Variants in STARD13 observed in about 807,000 individuals in gnomAD.
STARD13 encodes stAR-related lipid transfer protein 13.
STARD13 carries 62 observed loss-of-function variants against 106.4 expected under a neutral mutation model. The ratio of observed to expected loss-of-function variants is 0.58; its 90% CI spans 0.48 to 0.72. The LOEUF is 0.72. STARD13 is among the 30% of genes least tolerant of loss of function. The probability of loss-of-function intolerance (pLI) is 0.00; values close to 1 mark genes in which losing one functional copy is unlikely to be tolerated. For synonymous variants in STARD13, 565 were observed against 553.0 expected (o/e 1.02, Z -0.31); for missense variants, 1,387 against 1,424.0 (o/e 0.97, Z 0.42).
the STARD13 span, among the ~76,000 whole-genome samples, chr13:33,648,391 G>C: frequency 3.9e-5 from 6 of 152,196 alleles, no homozygotes; most frequent in East Asian, 5.8e-4. Context: ...GGTTTCAGCC[G>C]ATCTGGGGTC....
At chr13:33,634,772 C>T in the STARD13 span, among the ~76,000 whole-genome samples, 1 of 152,130 alleles carries the variant, frequency 6.6e-6, no homozygotes, top group Admixed American at 6.6e-5. Context: ...GGTTGAATTA[C>T]CCCACTGACA....
At chr13:33,514,154 A>G in the STARD13 span, among the ~76,000 whole-genome samples, 3 of 152,196 alleles carry the variant, frequency 2.0e-5, no homozygotes, top group Non-Finnish European at 2.9e-5. Context: ...TTAAATAAAC[A>G]GTTGGGAAAA....
the STARD13 span, among the ~76,000 whole-genome samples, chr13:33,550,287 T>C: frequency 6.6e-6 from 1 of 152,218 alleles, no homozygotes; most frequent in Non-Finnish European, 1.5e-5. Flanking sequence ...AATAATTTAC[T>C]GGAAAGAAAT....
chr13:33,479,177 A>T, the STARD13 span, among the ~76,000 whole-genome samples: 1 of 152,258 alleles, frequency 6.6e-6, no homozygotes, highest in Non-Finnish European at 1.5e-5. Context: ...TTAAAACTAC[A>T]CAGAGATTCC....
the STARD13 span, among the ~76,000 whole-genome samples, chr13:33,546,024 A>G: frequency 6.6e-6 from 1 of 152,336 alleles, no homozygotes; most frequent in East Asian, 1.9e-4. Flanking sequence ...TATGACATTT[A>G]TTTATTATGG....
At chr13:33,200,621 G>A (rs974018092) in intron 1 of STARD13, among the ~76,000 whole-genome samples, 3 of 152,220 alleles carry the variant, frequency 2.0e-5, no homozygotes, top group African/African-American at 7.2e-5. Context: ...CACTTTGGAA[G>A]TTGGCACTCC....
chr13:33,112,398 A>C (rs1874710772), intron 9 of STARD13, among the ~76,000 whole-genome samples: 1 of 152,156 alleles, frequency 6.6e-6, no homozygotes, highest in East Asian at 1.9e-4. Context: ...CTGAAGTTGA[A>C]ATGTAGCATG....
At chr13:33,167,257 G>C (rs548380095) in intron 2 of STARD13, among the ~76,000 whole-genome samples, 1 of 152,322 alleles carries the variant, frequency 6.6e-6, no homozygotes, top group South Asian at 2.1e-4. Flanking sequence ...AGAAGGAAGT[G>C]CAGAAAAGCT....
chr13:33,443,888 CAA>C, the STARD13 span, among the ~76,000 whole-genome samples: 27 of 50,216 alleles, frequency 5.4e-4, no homozygotes, highest in Middle Eastern at 0.012. Context: ...GACTCAGTCT[CAA>C]AAAAAAAAAA....
At chr13:33,299,430 C>T (rs1331461961) in intron 1 of STARD13, among the ~76,000 whole-genome samples, 1 of 152,210 alleles carries the variant, frequency 6.6e-6, no homozygotes, top group Non-Finnish European at 1.5e-5. Context: ...CTCAGAAGTG[C>T]TATTTCCACT....
chr13:33,278,794 T>C (rs2138388900), intron 1 of STARD13: 2 of 152,326 alleles, frequency 1.3e-5, no homozygotes, highest in African/African-American at 4.8e-5. Flanking sequence ...CCTTACATTT[T>C]ATATTTCCAT....
the STARD13 span, among the ~76,000 whole-genome samples, chr13:33,556,227 T>A: frequency 2.0e-5 from 3 of 152,274 alleles, no homozygotes; most frequent in African/African-American, 7.2e-5. Flanking sequence ...GAAGAATGTT[T>A]TCAATGCTTA....
the STARD13 span, among the ~76,000 whole-genome samples, chr13:33,520,485 A>G: frequency 1.9e-3 from 293 of 152,246 alleles, no homozygotes; most frequent in African/African-American, 6.6e-3. Flanking sequence ...TCATAAACAC[A>G]GTATAAAGTA....
upstream of STARD13, among the ~76,000 whole-genome samples, chr13:33,286,473 A>T (rs1377865544): frequency 6.6e-6 from 1 of 152,200 alleles, no homozygotes; most frequent in Non-Finnish European, 1.5e-5. Flanking sequence ...TGCCTATCAC[A>T]TTTAAGACAC....
the STARD13 span, among the ~76,000 whole-genome samples, chr13:33,570,758 C>T: frequency 2.0e-5 from 3 of 152,128 alleles, no homozygotes; most frequent in South Asian, 6.2e-4. Flanking sequence ...ATCACTGTCT[C>T]ACTCTTTTCC....
At chr13:33,482,778 C>A in the STARD13 span, among the ~76,000 whole-genome samples, 1 of 152,038 alleles carries the variant, frequency 6.6e-6, no homozygotes, top group Non-Finnish European at 1.5e-5. Flanking sequence ...TACACTAGGC[C>A]AATATATAAA....
intron 1 of STARD13, chr13:33,186,064 C>T (rs755217966): frequency 5.0e-6 from 8 of 1,608,752 alleles, no homozygotes; most frequent in African/African-American, 1.3e-5. Context: ...GATGATAGTC[C>T]TCTCTCATGT....
the STARD13 span, among the ~76,000 whole-genome samples, chr13:33,370,393 G>A: frequency 0.03 from 4,587 of 152,164 alleles, 229 homozygotes; most frequent in African/African-American, 0.1. Context: ...CTGGAGAATA[G>A]GGAACAATGG....
At chr13:33,597,304 A>G in the STARD13 span, among the ~76,000 whole-genome samples, 2 of 151,754 alleles carry the variant, frequency 1.3e-5, no homozygotes, top group Non-Finnish European at 2.9e-5. Flanking sequence ...TATTTTTTTC[A>G]TATACTTGTT....
Sources: gnomAD v4.1 joint callset for allele counts (sites outside exome capture counted in the v4.1 genomes callset) on GRCh38, gnomAD v4.1.1 for gene constraint, MANE v1.5 for transcripts, NCBI Gene and HGNC (gene_info 2026-07-23, HGNC 2026-07-21) for gene names.